MYH13: variants seen among roughly 807,000 people sequenced by gnomAD.
MYH13 encodes the protein myosin-13.
A neutral mutation model predicts 232.1 loss-of-function variants in MYH13; 177 were observed. The observed-to-expected ratio is 0.76, with a 90% confidence interval of 0.67 to 0.86. MYH13 has a LOEUF of 0.86. MYH13 is among the 40% of genes least tolerant of loss of function. The pLI is 0.00. For synonymous variants in MYH13, 884 were observed against 923.5 expected, an observed-to-expected ratio of 0.96 and a Z score of 0.78; for missense variants, 2,246 against 2,405.9, an observed-to-expected ratio of 0.93 and a Z score of 1.39.
chr17:10,323,997 G>A lies in MYH13; in HGVS notation c.2934+25C>T, dbSNP rs757093234. ...AGAGAGTGAAGCCTGTTAAGACACT[G>A]TGGGAGTCCCTTGGGTTTGCTCACC... On this transcript the variant is annotated intron_variant, in intron 23 of 40. Transcript: ENST00000252172. 9.3e-6 allele frequency: 15 copies of A among 1,612,604 alleles called. No individual in the cohort carries two copies. The South Asian group carries it at 1.7e-4, about 18-fold the overall frequency.
rs1242648809 is a variant in MYH13 at position 10,309,525 on chromosome 17, G to GA, written c.4961dup (p.Lys1655GlnfsTer9). The GA allele has an allele frequency of 6.2e-7, 1 of 1,605,784 alleles. No individual in the cohort carries two copies. The highest frequency in any genetic ancestry group is 2.2e-5 in the East Asian group (1 of 44,726). The stretch of plus-strand genomic sequence containing the variant: ...CAGAGGCGGCCACCGTGCTCACCTT[G>GA]AGCTGGCCCTGGACCGTGCGCAGAT... On this transcript the variant is annotated frameshift_variant, in exon 34 of 41. Transcript: ENST00000252172. LOFTEE classifies it high-confidence loss of function.
At chr17:10,346,398 AC>A (rs1030241194) in intron 13 of MYH13, among the ~76,000 whole-genome samples, 5 of 152,226 alleles carry the variant, frequency 3.3e-5, no homozygotes, top group African/African-American at 1.2e-4. Flanking sequence ...CAAGGACACA[AC>A]AGAGGAGAGA....
chr17:10,337,897 A>G (rs2142252344), intron 18 of MYH13, among the ~76,000 whole-genome samples: 2 of 152,300 alleles, frequency 1.3e-5, no homozygotes, highest in South Asian at 4.1e-4. Context: ...TACTAAAAGT[A>G]CAAAAATTAG....
At position 10,354,990 on chromosome 17, in the gene MYH13, A is replaced by C. The variant is rs760770279; in HGVS notation, c.806T>G (p.Leu269Arg). Reference protein sequence around the residue: ...KLASADIETYLLEKSRVTFQL... With the variant: ...KLASADIETYRLEKSRVTFQL... ...AAACGTCACTCTGGATTTTTCTAAC[A>C]GATCTAAGGTAACAAAAATAACGTG... Residue 269 changes from leucine (L) to arginine (R), a missense_variant, in exon 10 of 41, where the codon CTG becomes CGG. Physicochemically the swap from Leu to Arg is moderately radical, Grantham distance 102. Transcript: ENST00000252172. 6.2e-7 allele frequency: 1 copy of C among 1,609,862 alleles called. No individual in the cohort carries two copies. The highest frequency in any genetic ancestry group is 8.5e-7 in the Non-Finnish European group (1 of 1,176,152).
rs760427145 is a variant in MYH13, at chr17:10,319,037, T to C, written c.3491A>G (p.Gln1164Arg). Reference sequence around the variant, plus strand: ...CTCCCTCTTCTTGTTCATCTCAATCTGGGCTGAAGTGGCCCCACTGGCTTC... The same window carrying C: ...CTCCCTCTTCTTGTTCATCTCAATCCGGGCTGAAGTGGCCCCACTGGCTTC... The part of the protein sequence containing the change: ...LEEASGATSA[Q>R]IEMNKKREAE... The change falls in exon 27 of 41, where the codon CAG becomes CGG. Residue 1164 changes from glutamine to arginine, a missense_variant. Gln to Arg is a conservative substitution (Grantham distance 43). Coordinates refer to ENST00000252172, the MANE Select transcript of MYH13 (RefSeq NM_003802.3). The C allele has an allele frequency of 1.3e-5, 21 of 1,614,198 alleles. No homozygotes were observed. The South Asian group carries it at 1.8e-4, about 14-fold the overall frequency.
At chr17:10,348,739 A>G (rs2071686798) in intron 12 of MYH13, among the ~76,000 whole-genome samples, 1 of 151,876 alleles carries the variant, frequency 6.6e-6, no homozygotes, top group Non-Finnish European at 1.5e-5. Context: ...CTGGCTGCTG[A>G]CAGATTAATT....
chr17:10,360,141 T>G lies in MYH13; in HGVS notation c.533+20A>C. The G allele has an allele frequency of 1.9e-6, 3 of 1,614,092 alleles. No homozygotes were observed. Among genetic ancestry groups the G allele is most frequent in the Non-Finnish European group, 2.5e-6 (3 of 1,179,988 alleles). On this transcript the variant is annotated intron_variant, in intron 6 of 40. Coordinates refer to ENST00000252172, the MANE Select transcript of MYH13 (RefSeq NM_003802.3). ...GGCACTGGTTTCCAAGTCATGATGG[T>G]ACAAAGAGGTGTTACTCACGTGATG...
intron 16 of MYH13, chr17:10,340,970 C>A (rs1381917460): frequency 6.6e-6 from 1 of 151,300 alleles, no homozygotes; most frequent in African/African-American, 2.4e-5. Context: ...TGAAAGCAAA[C>A]TGAATAATTT....
At chr17:10,330,339 T>G in intron 21 of MYH13, 48 bp downstream of exon 21, 1 of 1,602,188 alleles carries the variant, frequency 6.2e-7, no homozygotes, top group East Asian at 2.2e-5. Context: ...GACAATCAGC[T>G]GCTAAGCAGA....
At chr17:10,341,824 C>T (rs974413815) in intron 16 of MYH13, among the ~76,000 whole-genome samples, 3 of 152,174 alleles carry the variant, frequency 2.0e-5, no homozygotes, top group African/African-American at 4.8e-5. Context: ...TTGAAGTTTA[C>T]GCATGTGCCC....
At chr17:10,336,693 C>T (rs1035974080) in intron 18 of MYH13, among the ~76,000 whole-genome samples, 5 of 152,204 alleles carry the variant, frequency 3.3e-5, no homozygotes, top group Non-Finnish European at 5.9e-5. Flanking sequence ...CCCCAGGTAC[C>T]GGCCAACTTG....
Position 10,346,783 on chromosome 17 carries a change from C to T in MYH13, c.1160G>A (p.Gly387Glu). ...PDGTEVADKAGYLMGLNSAEM... is the reference protein window; with the variant it reads ...PDGTEVADKAEYLMGLNSAEM... ...TGCAGAATTCAGTCCCATCAGGTAT[C>T]CGGCTTTGTCAGCCACTGAAGGAAG... The change falls in exon 13 of 41, where the codon GGA (glycine) becomes GAA (glutamate). Residue 387 changes from glycine to glutamate, a missense_variant. Physicochemically the swap from Gly to Glu is moderately conservative, Grantham distance 98. Coordinates refer to ENST00000252172, the MANE Select transcript of MYH13 (RefSeq NM_003802.3). 1 of 1,613,824 alleles carries T rather than the reference C, an allele frequency of 6.2e-7. No homozygotes were observed. The highest frequency in any genetic ancestry group is 8.5e-7 in the Non-Finnish European group (1 of 1,179,780).
chr17:10,369,462 G>A (rs963667722), intron 2 of MYH13, among the ~76,000 whole-genome samples: 1 of 152,012 alleles, frequency 6.6e-6, no homozygotes. Flanking sequence ...AGAATATAAG[G>A]TAACTTTAAA....
intron 2 of MYH13, among the ~76,000 whole-genome samples, chr17:10,366,381 GTT>G (rs56798899): frequency 1.4e-4 from 16 of 112,608 alleles, no homozygotes; most frequent in African/African-American, 3.6e-4. Context: ...AAATAAATCT[GTT>G]TTTTTTTTTT....
intron 3 of MYH13, among the ~76,000 whole-genome samples, chr17:10,362,967 C>CA (rs79759098): frequency 0.24 from 36,911 of 152,032 alleles, 4,942 homozygotes; most frequent in Non-Finnish European, 0.3. Flanking sequence ...TCAGCTCTAG[C>CA]ACCAACTCTT....
Position 10,311,878 on chromosome 17 carries a change from A to T in MYH13, c.4531+33T>A, listed in dbSNP as rs1407603074. On this transcript the variant is annotated intron_variant, in intron 32 of 40. Coordinates refer to ENST00000252172, the MANE Select transcript of MYH13 (RefSeq NM_003802.3). ...AAGGGGTTGGCAGGAGGAGAGGGGG[A>T]CATAGCACACACCAGTGGTGGAGAC... 18 of 1,612,540 alleles carry T rather than the reference A, an allele frequency of 1.1e-5. 1 individual carries two copies. Among genetic ancestry groups the T allele is most frequent in the Middle Eastern group, 1.7e-4 (1 of 6,024 alleles).
chr17:10,312,218 G>T (rs1906533157), intron 31 of MYH13, 142 bp from the exon 32 acceptor site: 2 of 916,206 alleles, frequency 2.2e-6, no homozygotes, highest in African/African-American at 3.3e-5. Flanking sequence ...CACTGTTCTA[G>T]ATCAGGGACC....
At chr17:10,326,706 T>C (rs1202996824) in intron 22 of MYH13, among the ~76,000 whole-genome samples, 1 of 151,800 alleles carries the variant, frequency 6.6e-6, no homozygotes, top group Non-Finnish European at 1.5e-5. Flanking sequence ...CTTAATCTCC[T>C]GACCTTGTGA....
intron 11 of MYH13, among the ~76,000 whole-genome samples, chr17:10,353,935 G>GGAAGGAAGGAAGGAAGGAAA (rs2142267516): frequency 1.2e-5 from 1 of 81,884 alleles, no homozygotes; most frequent in Non-Finnish European, 3.1e-5. Flanking sequence ...AAGGAAAGAA[G>GGAAGGAAGGAAGGAAGGAAA]GAAGGAAGGA....
Sources: gnomAD v4.1 joint callset for allele counts (sites outside exome capture counted in the v4.1 genomes callset) on GRCh38, gnomAD v4.1.1 for gene constraint, MANE v1.5 for transcripts, NCBI Gene and HGNC (gene_info 2026-07-23, HGNC 2026-07-21) for gene names.